Variants in ST6GAL1 observed in about 807,000 individuals in gnomAD.
ST6GAL1 encodes the protein beta-galactoside alpha-2,6-sialyltransferase 1.
ST6GAL1 carries 20 observed loss-of-function variants against 38.0 expected under a neutral mutation model. That is an observed-to-expected ratio of 0.53 (90% CI 0.37 to 0.77). The LOEUF is 0.77. ST6GAL1 is among the 30% of genes least tolerant of loss of function. ST6GAL1 has a pLI of 0.00. For missense variants in ST6GAL1, 432 were observed against 496.4 expected (o/e 0.87, Z 1.23); for synonymous variants, 196 against 188.2 (o/e 1.04, Z -0.34).
chr3:187,058,751 C>T (rs925379946), intron 5 of ST6GAL1, among the ~76,000 whole-genome samples: 14 of 151,926 alleles, frequency 9.2e-5, no homozygotes, highest in Non-Finnish European at 1.8e-4. Context: ...AAGCGATCCT[C>T]TTGCCTCAGC....
chr3:187,012,421 C>T (rs1194350526), intron 2 of ST6GAL1, among the ~76,000 whole-genome samples: 2 of 152,120 alleles, frequency 1.3e-5, no homozygotes, highest in Non-Finnish European at 2.9e-5. Flanking sequence ...CCATACCCAG[C>T]TCATTTTTAT....
intron 1 of ST6GAL1, among the ~76,000 whole-genome samples, chr3:186,943,395 AT>A: frequency 6.6e-6 from 1 of 152,234 alleles, no homozygotes; most frequent in Admixed American, 6.5e-5. Context: ...TACATGTGTT[AT>A]TTAATAGAAT....
chr3:187,051,130 T>C (rs1718498814), intron 4 of ST6GAL1, 119 bp from the exon 5 acceptor site: 2 of 867,314 alleles, frequency 2.3e-6, no homozygotes, highest in Middle Eastern at 5.1e-4. Context: ...CTGTGGATCA[T>C]GATGGGGTAA....
chr3:187,039,426 C>G (rs1718051737), intron 3 of ST6GAL1, among the ~76,000 whole-genome samples: 1 of 152,172 alleles, frequency 6.6e-6, no homozygotes, highest in Non-Finnish European at 1.5e-5. Context: ...TTTCCTTGAG[C>G]AGCAAAGTCA....
chr3:186,993,365 C>T (rs1015321530), intron 2 of ST6GAL1, among the ~76,000 whole-genome samples: 31 of 152,126 alleles, frequency 2.0e-4, no homozygotes, highest in African/African-American at 6.8e-4. Flanking sequence ...ACCTGTACGT[C>T]TTTCATTCTA....
chr3:187,002,938 A>G (rs1716667897), intron 2 of ST6GAL1, among the ~76,000 whole-genome samples: 1 of 152,254 alleles, frequency 6.6e-6, no homozygotes. Context: ...TTACTGAAGA[A>G]TATAAAACAT....
chr3:187,008,002 A>G (rs1716837963), intron 2 of ST6GAL1, among the ~76,000 whole-genome samples: 1 of 152,184 alleles, frequency 6.6e-6, no homozygotes, highest in Admixed American at 6.5e-5. Context: ...AATTGGAGAA[A>G]AATGAAAAGC....
chr3:186,946,308 A>C (rs1387026887), intron 1 of ST6GAL1, among the ~76,000 whole-genome samples: 2 of 146,174 alleles, frequency 1.4e-5, no homozygotes, highest in African/African-American at 5.0e-5. Context: ...ATTCCATTTC[A>C]AAAAAAAAAA....
intron 2 of ST6GAL1, among the ~76,000 whole-genome samples, chr3:186,994,638 G>A (rs536545463): frequency 7.8e-4 from 119 of 152,266 alleles, no homozygotes; most frequent in African/African-American, 2.8e-3. Context: ...AGATATTTCA[G>A]TATGTATATT....
At chr3:187,018,832 C>T (rs938400004) in intron 2 of ST6GAL1, among the ~76,000 whole-genome samples, 7 of 152,210 alleles carry the variant, frequency 4.6e-5, no homozygotes, top group African/African-American at 1.7e-4. Context: ...TGGCTGTAAT[C>T]ACAAAGTTAC....
At chr3:187,000,189 T>G (rs948769902) in intron 2 of ST6GAL1, among the ~76,000 whole-genome samples, 4 of 152,158 alleles carry the variant, frequency 2.6e-5, no homozygotes, top group Non-Finnish European at 5.9e-5. Context: ...GTAACAATGG[T>G]CACTTGTAAT....
chr3:187,063,379 G>A (rs1225491816), intron 5 of ST6GAL1, among the ~76,000 whole-genome samples: 1 of 152,192 alleles, frequency 6.6e-6, no homozygotes, highest in Non-Finnish European at 1.5e-5. Context: ...GAGGCTGAGG[G>A]GGAAAGAGGT....
At position 186,952,507 on chromosome 3, in the gene ST6GAL1, T is replaced by C. The variant is rs754944784; in HGVS notation, c.-324-11278T>C. 2.0e-5 allele frequency among the ~76,000 whole-genome samples: 3 copies of C among 152,138 alleles called. No homozygotes were observed. ...GCTCATTTTCTTTTCTTTTCTTTTC[T>C]TTTTTTATTTTTATTGAGATGGAGT... On this transcript the variant is annotated intron_variant, in intron 1 of 7. Transcript: ENST00000169298. The surrounding 1 kb of genome is among the most constrained non-coding windows in gnomAD (Gnocchi z 4.1).
At chr3:186,943,348 T>C (rs1714244107) in intron 1 of ST6GAL1, among the ~76,000 whole-genome samples, 1 of 152,232 alleles carries the variant, frequency 6.6e-6, no homozygotes, top group East Asian at 1.9e-4. Context: ...GAGAAATGCA[T>C]GAGGCATGAA....
intron 2 of ST6GAL1, among the ~76,000 whole-genome samples, chr3:186,993,782 C>T (rs1175940343): frequency 1.3e-5 from 2 of 152,096 alleles, no homozygotes; most frequent in Admixed American, 1.3e-4. Flanking sequence ...TTCCTCTGAG[C>T]TTCAGCCTCT....
At chr3:187,029,186 A>G (rs1006250069) in intron 2 of ST6GAL1, among the ~76,000 whole-genome samples, 1 of 151,866 alleles carries the variant, frequency 6.6e-6, no homozygotes, top group African/African-American at 2.4e-5. Flanking sequence ...TAAAAGACTG[A>G]TCAGGGTCAG....
intron 2 of ST6GAL1, among the ~76,000 whole-genome samples, chr3:186,989,489 T>C (rs1400154368): frequency 6.6e-6 from 1 of 152,232 alleles, no homozygotes; most frequent in African/African-American, 2.4e-5. Context: ...GGGGGATTTT[T>C]ATTCATCAGA....
intron 2 of ST6GAL1, among the ~76,000 whole-genome samples, chr3:186,975,798 G>A (rs897068438): frequency 6.6e-6 from 1 of 152,230 alleles, no homozygotes; most frequent in African/African-American, 2.4e-5. Context: ...AGAAGTGAGT[G>A]AGGCTGGCAC....
chr3:187,053,030 G>C (rs1277003535), intron 5 of ST6GAL1, among the ~76,000 whole-genome samples: 2 of 152,172 alleles, frequency 1.3e-5, no homozygotes, highest in Non-Finnish European at 2.9e-5. Context: ...GTTTTGATTT[G>C]CATTTCTCTG....
Sources: gnomAD v4.1 joint callset for allele counts (sites outside exome capture counted in the v4.1 genomes callset) on GRCh38, gnomAD v4.1.1 for gene constraint, Gnocchi (gnomAD v3.1) non-coding constraint, MANE v1.5 for transcripts, NCBI Gene and HGNC (gene_info 2026-07-23, HGNC 2026-07-21) for gene names.